Variants in CLEC4C observed in about 807,000 individuals in gnomAD.
The protein encoded by CLEC4C is C-type (calcium dependent, carbohydrate-recognition domain) lectin, superfamily member 11.
A neutral mutation model predicts 27.7 loss-of-function variants in CLEC4C; 17 were observed. That is an observed-to-expected ratio of 0.61 (90% confidence interval 0.42 to 0.92). The LOEUF is 0.92. CLEC4C is among the 40% of genes least tolerant of loss of function. The pLI is 0.00. For synonymous variants in CLEC4C, 80 were observed against 80.8 expected (o/e 0.99, Z 0.06); for missense variants, 244 against 257.3 (o/e 0.95, Z 0.35).
chr12:7,739,029 C>T (rs1269325588), intron 3 of CLEC4C, among the ~76,000 whole-genome samples: 2 of 146,382 alleles, frequency 1.4e-5, no homozygotes, highest in African/African-American at 2.5e-5. Flanking sequence ...TCTCATTGTT[C>T]GATTCCCACC....
rs749576045 is a variant in CLEC4C, at chr12:7,737,504, T to C, written c.306A>G (p.Gln102=). Residue 102 remains glutamine, a synonymous_variant, in exon 4 of 6, where the codon CAA becomes CAG. Transcript: ENST00000360345. Reference sequence around the variant, plus strand: ...AGTTCTTTTGACTCTTAGTCCAAGATTGCATCCCAGTAGAAATAAAGTAGC... The same window carrying C: ...AGTTCTTTTGACTCTTAGTCCAAGACTGCATCCCAGTAGAAATAAAGTAGC... ...SSCYFISTGM[Q]SWTKSQKNCS... 8 of 1,613,966 alleles carry C rather than the reference T, an allele frequency of 5.0e-6. No homozygotes were observed. Among genetic ancestry groups the C allele is most frequent in the South Asian group, 3.3e-5 (3 of 91,062 alleles).
intron 3 of CLEC4C, 130 bp from the exon 4 acceptor site, chr12:7,737,704 C>T (rs1226563735): frequency 1.2e-6 from 1 of 824,368 alleles, no homozygotes; most frequent in African/African-American, 1.7e-5. Flanking sequence ...CAAAGCTGAA[C>T]TCATTTACTG....
chr12:7,731,533 G>C (rs1592087949), intron 4 of CLEC4C, among the ~76,000 whole-genome samples: 1 of 152,048 alleles, frequency 6.6e-6, no homozygotes, highest in Admixed American at 6.6e-5. Flanking sequence ...GACTCAAGTT[G>C]AACTGAGTTC....
intron 2 of CLEC4C, among the ~76,000 whole-genome samples, chr12:7,745,759 C>T (rs980018323): frequency 3.3e-5 from 5 of 151,748 alleles, no homozygotes; most frequent in Non-Finnish European, 7.4e-5. Flanking sequence ...GTTATGGCAG[C>T]CCAAGCTGAC....
At chr12:7,731,031 C>T in intron 4 of CLEC4C, 119 bp from the exon 5 acceptor site, 1 of 552,286 alleles carries the variant, frequency 1.8e-6, no homozygotes, top group Non-Finnish European at 3.3e-6. Flanking sequence ...AAGGAAATCA[C>T]TTCTCTTCTA....
At chr12:7,737,160 G>A (rs893223101) in intron 4 of CLEC4C, among the ~76,000 whole-genome samples, 7 of 152,094 alleles carry the variant, frequency 4.6e-5, no homozygotes, top group African/African-American at 7.2e-5. Context: ...GACCCCGGGA[G>A]GCGGAGGCTG....
intron 2 of CLEC4C, among the ~76,000 whole-genome samples, chr12:7,743,346 A>G (rs1864899976): frequency 6.6e-6 from 1 of 151,946 alleles, no homozygotes; most frequent in Admixed American, 6.6e-5. Flanking sequence ...CACATAGAGC[A>G]AGATCTGACT....
chr12:7,730,006 A>C (rs6488608), intron 5 of CLEC4C, among the ~76,000 whole-genome samples: 92,913 of 152,048 alleles, frequency 0.61, 28,782 homozygotes, highest in South Asian at 0.66. Context: ...TGAACATCCT[A>C]CTGGCAGATG....
Position 7,747,373 on chromosome 12 carries a change from T to G in CLEC4C, c.-25A>C. ...TTGTGTGTGCGCACACCCTTTGGAC[T>G]TCCTCTATCAGGTGGGTGCAGAAGC... On this transcript the variant is annotated 5_prime_UTR_variant, in exon 1 of 6. Coordinates refer to ENST00000360345, the MANE Select transcript of CLEC4C (RefSeq NM_001371390.1). 6.2e-7 allele frequency: 1 copy of G among 1,613,412 alleles called. No homozygotes were observed. Among genetic ancestry groups the G allele is most frequent in the Non-Finnish European group, 8.5e-7 (1 of 1,179,478 alleles).
chr12:7,734,333 G>A (rs1420847825), intron 4 of CLEC4C, among the ~76,000 whole-genome samples: 2 of 152,068 alleles, frequency 1.3e-5, no homozygotes, highest in Non-Finnish European at 2.9e-5. Flanking sequence ...AACTTTGTAC[G>A]GTTAGGCAAA....
intron 2 of CLEC4C, among the ~76,000 whole-genome samples, chr12:7,743,902 G>T (rs1315491401): frequency 6.6e-6 from 1 of 152,138 alleles, no homozygotes; most frequent in Admixed American, 6.6e-5. Flanking sequence ...CAGTAAGTAT[G>T]GTGCCAGCAT....
chr12:7,743,905 G>A (rs972274351), intron 2 of CLEC4C, among the ~76,000 whole-genome samples: 8 of 152,124 alleles, frequency 5.3e-5, no homozygotes, highest in Non-Finnish European at 1.2e-4. Flanking sequence ...TAAGTATGGT[G>A]CCAGCATCTG....
chr12:7,734,954 A>C (rs1418831776), intron 4 of CLEC4C, among the ~76,000 whole-genome samples: 1 of 151,932 alleles, frequency 6.6e-6, no homozygotes, highest in Non-Finnish European at 1.5e-5. Context: ...TAACCCCAGC[A>C]CTTTGGGAGA....
At chr12:7,743,032 T>C (rs56318901) in intron 2 of CLEC4C, among the ~76,000 whole-genome samples, 34,586 of 152,000 alleles carry the variant, frequency 0.23, 4,675 homozygotes, top group East Asian at 0.37. Flanking sequence ...ATATCTTGAT[T>C]TCCCCCTACA....
chr12:7,746,515 C>G (rs1864986492), intron 1 of CLEC4C, 92 bp from the exon 2 acceptor site: 1 of 754,232 alleles, frequency 1.3e-6, no homozygotes, highest in East Asian at 2.6e-5. Flanking sequence ...ATAATAAAGT[C>G]AGGCTATGAT....
Position 7,729,584 on chromosome 12 carries a change from A to T in CLEC4C, c.*12T>A, listed in dbSNP as rs982167846. Reference sequence around the variant, plus strand: ...TGCCAACCCAAACACATTTCCAGGGAGAATATTTCATTTATATGTAGATCT... The same window carrying T: ...TGCCAACCCAAACACATTTCCAGGGTGAATATTTCATTTATATGTAGATCT... On this transcript the variant is annotated 3_prime_UTR_variant, in exon 6 of 6. Coordinates refer to ENST00000360345, the MANE Select transcript of CLEC4C (RefSeq NM_001371390.1). The T allele has an allele frequency of 6.8e-6, 11 of 1,611,286 alleles. No individual in the cohort carries two copies. Among genetic ancestry groups the T allele is most frequent in the Non-Finnish European group, 9.3e-6 (11 of 1,178,402 alleles).
chr12:7,733,491 T>TTC (rs1022780512), intron 4 of CLEC4C, among the ~76,000 whole-genome samples: 1 of 149,330 alleles, frequency 6.7e-6, no homozygotes, highest in Non-Finnish European at 1.5e-5. Context: ...CTTTTTTTTT[T>TTC]TTTTTTTTGA....
intron 4 of CLEC4C, among the ~76,000 whole-genome samples, chr12:7,733,044 A>G (rs1565459467): frequency 6.6e-6 from 1 of 151,984 alleles, no homozygotes; most frequent in Non-Finnish European, 1.5e-5. Context: ...GAGTTTGCAT[A>G]AGTTACTTCA....
chr12:7,746,463 A>G (rs368164714), intron 1 of CLEC4C, 40 bp from the exon 2 acceptor site: 4 of 1,321,392 alleles, frequency 3.0e-6, no homozygotes, highest in African/African-American at 2.9e-5. Flanking sequence ...CATAATCCCC[A>G]CTGCCAAAGA....
Sources: allele counts gnomAD v4.1 joint callset (sites outside exome capture counted in the v4.1 genomes callset), GRCh38; gene constraint gnomAD v4.1.1; transcripts MANE v1.5; gene names NCBI Gene and HGNC (gene_info 2026-07-23, HGNC 2026-07-21).